DCDC1: variants seen among roughly 807,000 people sequenced by gnomAD.
The protein encoded by DCDC1 is doublecortin domain-containing protein 1.
Under a neutral mutation model 178.3 loss-of-function variants are expected in DCDC1, and 200 were observed. The observed-to-expected ratio is 1.12, with a 90% CI of 1.00 to 1.26. The LOEUF is 1.26. Ranked by LOEUF, DCDC1 falls within the 50% of genes most tolerant of loss-of-function variation. The pLI is 0.00. For synonymous variants in DCDC1, 690 were observed against 604.8 expected (o/e 1.14, Z -2.07); for missense variants, 1,983 against 1,749.2 (o/e 1.13, Z -2.38).
chr11:31,196,190 A>G (rs11031309), intron 9 of DCDC1, among the ~76,000 whole-genome samples: 40,051 of 151,820 alleles, frequency 0.26, 5,441 homozygotes, highest in African/African-American at 0.32. Flanking sequence ...GTTTGCTACA[A>G]CAACTGATAA....
chr11:31,152,783 A>G (rs945957933), intron 9 of DCDC1, among the ~76,000 whole-genome samples: 1 of 152,232 alleles, frequency 6.6e-6, no homozygotes, highest in African/African-American at 2.4e-5. Flanking sequence ...GTTGAGAGAC[A>G]ACAATCATGG....
chr11:31,150,205 A>G (rs1473611395), intron 9 of DCDC1, among the ~76,000 whole-genome samples: 63 of 152,202 alleles, frequency 4.1e-4, no homozygotes, highest in Non-Finnish European at 1.0e-4. Context: ...ACAGGAAATA[A>G]CTATGGATAT....
At chr11:31,254,072 G>C (rs1365967644) in intron 8 of DCDC1, among the ~76,000 whole-genome samples, 7 of 152,128 alleles carry the variant, frequency 4.6e-5, no homozygotes, top group African/African-American at 1.7e-4. Flanking sequence ...AAGTTATAGG[G>C]CAAAATAATA....
At chr11:30,968,910 C>T (rs1041416752) in intron 20 of DCDC1, among the ~76,000 whole-genome samples, 2 of 151,322 alleles carry the variant, frequency 1.3e-5, no homozygotes, top group African/African-American at 4.9e-5. Context: ...TAAATAAACA[C>T]AAATTCCTTT....
intron 20 of DCDC1, among the ~76,000 whole-genome samples, chr11:31,052,482 C>T (rs1955325974): frequency 6.6e-6 from 1 of 152,134 alleles, no homozygotes; most frequent in Admixed American, 6.5e-5. Context: ...TGGATTTAAA[C>T]TATATCTTGG....
intron 7 of DCDC1, among the ~76,000 whole-genome samples, chr11:31,267,981 T>C (rs1945283977): frequency 6.6e-6 from 1 of 152,180 alleles, no homozygotes; most frequent in South Asian, 2.1e-4. Context: ...GGGAGATAAT[T>C]CAGTACAAAT....
At chr11:30,868,496 C>G (rs1045692078) in intron 38 of DCDC1, among the ~76,000 whole-genome samples, 2 of 151,886 alleles carry the variant, frequency 1.3e-5, no homozygotes, top group African/African-American at 2.4e-5. Context: ...GGTGATCCAC[C>G]CACCTCGGCC....
chr11:31,271,389 T>C (rs1238729926), intron 7 of DCDC1, among the ~76,000 whole-genome samples: 2 of 152,236 alleles, frequency 1.3e-5, no homozygotes, highest in African/African-American at 4.8e-5. Flanking sequence ...CTGTTACCAC[T>C]GATATTGAAA....
intron 7 of DCDC1, among the ~76,000 whole-genome samples, chr11:31,277,194 G>A (rs562215596): frequency 6.6e-5 from 10 of 151,894 alleles, no homozygotes; most frequent in South Asian, 2.1e-4. Flanking sequence ...AGAATAGTTC[G>A]TCTGTTCTAC....
chr11:31,119,901 T>C (rs1591114201), intron 11 of DCDC1, among the ~76,000 whole-genome samples: 1 of 152,326 alleles, frequency 6.6e-6, no homozygotes, highest in Middle Eastern at 3.4e-3. Flanking sequence ...GTTTTGCTAA[T>C]CTGTTCATAG....
At chr11:30,898,343 G>C (rs1453990981) in intron 34 of DCDC1, among the ~76,000 whole-genome samples, 1 of 152,172 alleles carries the variant, frequency 6.6e-6, no homozygotes, top group Non-Finnish European at 1.5e-5. Flanking sequence ...TTAGGAAACT[G>C]TTCCAATGGT....
intron 38 of DCDC1, among the ~76,000 whole-genome samples, chr11:30,876,182 A>T (rs1030487835): frequency 2.0e-4 from 31 of 152,206 alleles, no homozygotes; most frequent in African/African-American, 7.5e-4. Flanking sequence ...TTTAATAATA[A>T]ATTGTTTTCA....
chr11:30,999,182 C>T (rs569670299), intron 20 of DCDC1, among the ~76,000 whole-genome samples: 1 of 152,062 alleles, frequency 6.6e-6, no homozygotes, highest in South Asian at 2.1e-4. Flanking sequence ...AGTGTGGTAT[C>T]CTGGATTAAA....
chr11:31,239,426 T>C (rs572590752), intron 9 of DCDC1, among the ~76,000 whole-genome samples: 207 of 152,042 alleles, frequency 1.4e-3, no homozygotes, highest in African/African-American at 4.7e-3. Context: ...TTCAAATAAT[T>C]TTAAATTAAG....
chr11:31,030,069 T>A (rs1953517247), intron 20 of DCDC1, among the ~76,000 whole-genome samples: 2 of 152,132 alleles, frequency 1.3e-5, no homozygotes, highest in South Asian at 4.1e-4. Flanking sequence ...TGAAATATAG[T>A]TATTGTGGGT....
At chr11:31,166,608 T>C (rs1243659163) in intron 9 of DCDC1, among the ~76,000 whole-genome samples, 1 of 152,086 alleles carries the variant, frequency 6.6e-6, no homozygotes, top group South Asian at 2.1e-4. Context: ...GTGAAGTACG[T>C]ATGATATATG....
intron 20 of DCDC1, among the ~76,000 whole-genome samples, chr11:31,039,825 C>T (rs1011848665): frequency 4.6e-5 from 7 of 152,046 alleles, no homozygotes; most frequent in Non-Finnish European, 8.8e-5. Context: ...CAGTACCTGG[C>T]TCGTGATAGT....
At chr11:31,312,951 T>C (rs904994201) in intron 3 of DCDC1, 2 of 151,290 alleles carry the variant, frequency 1.3e-5, no homozygotes, top group Non-Finnish European at 2.9e-5. Flanking sequence ...AAACAGGGAG[T>C]TCAAGATCAG....
chr11:31,352,330 GAA>G (rs1204315052), intron 1 of DCDC1, among the ~76,000 whole-genome samples: 2 of 152,094 alleles, frequency 1.3e-5, no homozygotes, highest in Non-Finnish European at 2.9e-5. Flanking sequence ...TTATTAAAGA[GAA>G]ATCGTTTATT....
Sources: allele counts gnomAD v4.1 joint callset (sites outside exome capture counted in the v4.1 genomes callset), GRCh38; gene constraint gnomAD v4.1.1; transcripts MANE v1.5; gene names NCBI Gene and HGNC (gene_info 2026-07-23, HGNC 2026-07-21).